LRP2: variants seen among roughly 807,000 people sequenced by gnomAD.
LRP2 encodes the protein LDL receptor related protein 2, also known as low-density lipoprotein receptor-related protein 2.
Under a neutral mutation model 531.0 loss-of-function variants are expected in LRP2, and 172 were observed. The ratio of observed to expected loss-of-function variants is 0.32; its 90% CI spans 0.29 to 0.37. The LOEUF is 0.37. LRP2 is among the 10% of genes least tolerant of loss of function. The probability of loss-of-function intolerance (pLI) is 1.00; values close to 1 mark genes in which losing one functional copy is unlikely to be tolerated. For missense variants in LRP2, 5,167 were observed against 5,868.3 expected, an observed-to-expected ratio of 0.88 and a Z score of 3.90; for synonymous variants, 1,992 against 2,027.6, an observed-to-expected ratio of 0.98 and a Z score of 0.47.
chr2:169,168,029 A>ATATATATATATATATATG (rs1686851041), intron 61 of LRP2, among the ~76,000 whole-genome samples: 1 of 122,220 alleles, frequency 8.2e-6, no homozygotes, highest in Admixed American at 8.3e-5. Context: ...ATATATATAT[A>ATATATATATATATATATG]TATATATATA....
intron 28 of LRP2, among the ~76,000 whole-genome samples, chr2:169,236,680 G>A (rs1163828458): frequency 6.6e-6 from 1 of 152,150 alleles, no homozygotes; most frequent in Non-Finnish European, 1.5e-5. Context: ...TTCCTTATAT[G>A]ACTTAAAAGG....
chr2:169,327,379 C>T (rs1685112452), intron 1 of LRP2, among the ~76,000 whole-genome samples: 1 of 133,988 alleles, frequency 7.5e-6, no homozygotes, highest in African/African-American at 2.9e-5. Context: ...CCCAGCCGCC[C>T]CTACTGGGAA....
At position 169,351,480 on chromosome 2, in the gene LRP2, G is replaced by A. The variant is rs150387033; in HGVS notation, c.79+10841C>T. ...ATGAAATGGTTGGACTTAAGAACTG[G>A]GAAAATTCTTCCAGAGTAATAGGAG... is the stretch of plus-strand genomic sequence containing the variant. On this transcript the variant is annotated intron_variant, in intron 1 of 78. Coordinates refer to ENST00000649046, the MANE Select transcript of LRP2 (RefSeq NM_004525.3). Among the ~76,000 whole-genome samples, 1,114 of 152,278 alleles carry A rather than the reference G, an allele frequency of 7.3e-3. 7 individuals carry two copies. The highest frequency in any genetic ancestry group is 0.012 in the Non-Finnish European group (824 of 68,016).
At chr2:169,251,774 T>A in intron 19 of LRP2, among the ~76,000 whole-genome samples, 1 of 88,890 alleles carries the variant, frequency 1.1e-5, no homozygotes, top group Non-Finnish European at 2.1e-5. Flanking sequence ...GAGAGAAGAA[T>A]CAAATAGACA....
intron 19 of LRP2, among the ~76,000 whole-genome samples, chr2:169,255,059 T>G (rs1332793739): frequency 2.0e-5 from 3 of 152,164 alleles, no homozygotes; most frequent in African/African-American, 7.2e-5. Flanking sequence ...TCTATGCATG[T>G]GAGAAAGTCT....
chr2:169,224,443 G>C (rs1044110363), intron 33 of LRP2, among the ~76,000 whole-genome samples: 1 of 152,164 alleles, frequency 6.6e-6, no homozygotes, highest in African/African-American at 2.4e-5. Context: ...CTGGGAATTA[G>C]AGTAAAAAGA....
intron 12 of LRP2, among the ~76,000 whole-genome samples, chr2:169,278,257 G>C (rs1354630535): frequency 2.0e-5 from 3 of 152,112 alleles, no homozygotes; most frequent in African/African-American, 7.2e-5. Flanking sequence ...GGCCAACATA[G>C]AAGGATTGCT....
intron 13 of LRP2, among the ~76,000 whole-genome samples, chr2:169,276,744 C>T (rs544275234): frequency 6.6e-4 from 101 of 152,194 alleles, no homozygotes; most frequent in African/African-American, 2.4e-3. Context: ...AGTTAACCAG[C>T]CTATTTGCTG....
chr2:169,270,895 C>T lies in LRP2; in HGVS notation c.2320+9G>A, dbSNP rs368933798. The T allele has an allele frequency of 3.5e-4, 566 of 1,607,924 alleles. No homozygotes were observed. The highest frequency in any genetic ancestry group is 4.2e-4 in the African/African-American group (31 of 74,288). On this transcript the variant is annotated intron_variant, in intron 16 of 78. Coordinates refer to ENST00000649046, the MANE Select transcript of LRP2 (RefSeq NM_004525.3). Reference sequence around the variant, plus strand: ...TACACACACACACACACACACAAACCTTTCTCACCTGTGCCATCAATCTTT... The same window carrying T: ...TACACACACACACACACACACAAACTTTTCTCACCTGTGCCATCAATCTTT...
intron 63 of LRP2, among the ~76,000 whole-genome samples, chr2:169,160,922 T>C (rs1686561794): frequency 6.6e-6 from 1 of 152,246 alleles, no homozygotes; most frequent in Non-Finnish European, 1.5e-5. Context: ...TGGCTGGTTA[T>C]TCATACCTCT....
In LRP2 at chr2:169,362,461, G is replaced by T; in HGVS notation, c.-62C>A. ...GGGAGGTGGGCGCGCGTAGCACACC[G>T]CACCGGCAGCGCCTCTGCTAGCGAA... is the stretch of plus-strand genomic sequence containing the variant. On this transcript the variant is annotated 5_prime_UTR_variant, in exon 1 of 79. Coordinates refer to ENST00000649046, the MANE Select transcript of LRP2 (RefSeq NM_004525.3). The T allele has an allele frequency of 7.3e-7, 1 of 1,376,678 alleles. No homozygotes were observed. Among genetic ancestry groups the T allele is most frequent in the Non-Finnish European group, 1.0e-6 (1 of 998,720 alleles). The allele number at this position is 1,376,678 out of a possible 1,614,324, so 85.3% of individuals were successfully genotyped here. A position where few individuals can be genotyped will look rare whatever the true frequency, so the allele number is the denominator to read the frequency against.
chr2:169,295,022 C>G (rs1684101182), intron 4 of LRP2, among the ~76,000 whole-genome samples: 1 of 152,160 alleles, frequency 6.6e-6, no homozygotes, highest in Non-Finnish European at 1.5e-5. Context: ...GAAGAAGTGA[C>G]TTTTGAGCCA....
chr2:169,293,439 G>T (rs1024814755), intron 6 of LRP2, among the ~76,000 whole-genome samples: 2 of 152,152 alleles, frequency 1.3e-5, no homozygotes, highest in African/African-American at 4.8e-5. Flanking sequence ...ACTTTGGGAG[G>T]CCGAGGCGGG....
At chr2:169,336,748 A>C (rs940608084) in intron 1 of LRP2, among the ~76,000 whole-genome samples, 1 of 152,186 alleles carries the variant, frequency 6.6e-6, no homozygotes, top group Admixed American at 6.5e-5. Flanking sequence ...TGTATTCTTA[A>C]GGCAGAATAA....
At chr2:169,353,584 C>T (rs1490975614) in intron 1 of LRP2, among the ~76,000 whole-genome samples, 1 of 152,172 alleles carries the variant, frequency 6.6e-6, no homozygotes, top group Non-Finnish European at 1.5e-5. Flanking sequence ...TGTGGAAGTA[C>T]ATGCTAGCAT....
chr2:169,192,144 A>G (rs1687852211), intron 47 of LRP2, 111 bp from the exon 48 acceptor site: 1 of 696,990 alleles, frequency 1.4e-6, no homozygotes, highest in Admixed American at 2.8e-5. Flanking sequence ...ATGGGAGGAA[A>G]ACACGTAGAC....
At position 169,142,807 on chromosome 2, in the gene LRP2, G is replaced by T; in HGVS notation, c.12989-14C>A. 1 of 1,613,632 alleles carries T rather than the reference G, an allele frequency of 6.2e-7. No individual in the cohort carries two copies. Among genetic ancestry groups the T allele is most frequent in the South Asian group, 1.1e-5 (1 of 91,006 alleles). ...AAAGGTTGGGCACTGGAAAGCGGGT[G>T]AGAACAGCAGTTAGGTCCTGACAGA... is the stretch of plus-strand genomic sequence containing the variant. On this transcript the variant is annotated splice_polypyrimidine_tract_variant and intron_variant, in intron 70 of 78. Transcript: ENST00000649046.
At chr2:169,327,273 A>G in intron 1 of LRP2, among the ~76,000 whole-genome samples, 1 of 80,360 alleles carries the variant, frequency 1.2e-5, no homozygotes, top group South Asian at 5.4e-4. Context: ...TGGGGGGGTC[A>G]GCCCCCCGCC....
chr2:169,296,809 A>G (rs934840980), intron 4 of LRP2, among the ~76,000 whole-genome samples: 2 of 152,158 alleles, frequency 1.3e-5, no homozygotes, highest in Non-Finnish European at 2.9e-5. Flanking sequence ...TGACATGACT[A>G]CAAGTTTACT....
Sources: gnomAD v4.1 joint callset for allele counts (sites outside exome capture counted in the v4.1 genomes callset) on GRCh38, gnomAD v4.1.1 for gene constraint, MANE v1.5 for transcripts, NCBI Gene and HGNC (gene_info 2026-07-23, HGNC 2026-07-21) for gene names.